DUSP22: variants seen among roughly 807,000 people sequenced by gnomAD.
DUSP22 encodes the protein dual specificity protein phosphatase 22.
In DUSP22, 24 loss-of-function variants were observed where a neutral mutation model predicts 24.5. That is an observed-to-expected ratio of 0.98 (90% confidence interval 0.71 to 1.38). The LOEUF is 1.38. Among genes scored for constraint, DUSP22 ranks in the 40% most tolerant of loss-of-function variants. DUSP22 has a pLI of 0.00. For synonymous variants in DUSP22, 160 were observed against 106.4 expected, an observed-to-expected ratio of 1.50 and a Z score of -3.10; for missense variants, 330 against 269.2, an observed-to-expected ratio of 1.23 and a Z score of -1.58.
intron 1 of DUSP22, 114 bp downstream of exon 1, chr6:292,674 C>G: frequency 1.4e-6 from 2 of 1,417,636 alleles, no homozygotes; most frequent in Non-Finnish European, 9.3e-7. Context: ...GCGGTGGGGA[C>G]GGGCGCGGAG....
At chr6:298,762 T>C (rs1337998163) in intron 1 of DUSP22, among the ~76,000 whole-genome samples, 2 of 152,310 alleles carry the variant, frequency 1.3e-5, no homozygotes, top group Admixed American at 1.3e-4. Context: ...TCTTCCTCTG[T>C]GGCCTGTGCT....
chr6:333,357 T>G (rs1364262828), intron 3 of DUSP22, among the ~76,000 whole-genome samples: 3 of 151,974 alleles, frequency 2.0e-5, no homozygotes, highest in African/African-American at 7.3e-5. Flanking sequence ...AAAGTTCATC[T>G]CCTTCAAGAC....
rs1760011851 is a variant in DUSP22 at position 348,774 on chromosome 6, G to A, written c.441G>A (p.Arg147=). 1.9e-6 allele frequency: 3 copies of A among 1,614,296 alleles called. No individual in the cohort carries two copies. The highest frequency in any genetic ancestry group is 2.5e-6 in the Non-Finnish European group (3 of 1,180,052). ...TTTGTTTCCATCCTCTCCAGTATCG[G>A]CAGTGGCTGAAGGAAGAATATGGAG... ...EFEKHEVHQY[R]QWLKEEYGES... The change falls in exon 7 of 7, where the codon CGG becomes CGA. Residue 147 remains arginine, a synonymous_variant. Transcript: ENST00000419235.
At chr6:317,094 A>C (rs796129169) in intron 3 of DUSP22, among the ~76,000 whole-genome samples, 3 of 152,414 alleles carry the variant, frequency 2.0e-5, no homozygotes, top group African/African-American at 7.2e-5. Context: ...CCAAGACTTT[A>C]CTTGTGTTAG....
chr6:329,771 T>C (rs1759058889), intron 3 of DUSP22, among the ~76,000 whole-genome samples: 1 of 152,312 alleles, frequency 6.6e-6, no homozygotes, highest in Non-Finnish European at 1.5e-5. Context: ...AAATCTTATG[T>C]GTATTTTACC....
At chr6:294,973 A>G (rs1459754089) in intron 1 of DUSP22, among the ~76,000 whole-genome samples, 1 of 152,296 alleles carries the variant, frequency 6.6e-6, no homozygotes, top group Non-Finnish European at 1.5e-5. Context: ...ACCCCAAATC[A>G]CAAGGTTCAT....
chr6:349,006 G>T lies in DUSP22; in HGVS notation c.*55G>T. Reference sequence around the variant, plus strand: ...TGCTTGTCTTCAGTGTGCCCGGCTGGGCAGGGGTGCGGTGGTGGTGGCCGA... The same window carrying T: ...TGCTTGTCTTCAGTGTGCCCGGCTGTGCAGGGGTGCGGTGGTGGTGGCCGA... On this transcript the variant is annotated 3_prime_UTR_variant, in exon 7 of 7. Transcript: ENST00000419235. 6.5e-7 allele frequency: 1 copy of T among 1,546,696 alleles called. No individual in the cohort carries two copies.
At chr6:333,952 A>G (rs1457814233) in intron 3 of DUSP22, among the ~76,000 whole-genome samples, 1 of 152,308 alleles carries the variant, frequency 6.6e-6, no homozygotes, top group African/African-American at 2.4e-5. Flanking sequence ...AATGTGTAGG[A>G]GGTGTGGAAG....
At chr6:316,807 A>T (rs2127401028) in intron 3 of DUSP22, among the ~76,000 whole-genome samples, 2 of 152,430 alleles carry the variant, frequency 1.3e-5, no homozygotes, top group African/African-American at 4.8e-5. Flanking sequence ...TAACATGAAG[A>T]ACCTTACCTT....
chr6:301,481 T>A (rs1757577192), intron 1 of DUSP22, among the ~76,000 whole-genome samples: 1 of 152,304 alleles, frequency 6.6e-6, no homozygotes, highest in Non-Finnish European at 1.5e-5. Context: ...TGGCCTTGAT[T>A]TTTTAAGTAA....
At chr6:294,708 C>T (rs1757247075) in intron 1 of DUSP22, among the ~76,000 whole-genome samples, 2 of 152,270 alleles carry the variant, frequency 1.3e-5, no homozygotes. Context: ...TTTGGACTAG[C>T]CACATTTGGA....
At chr6:314,117 G>A (rs560070486) in intron 3 of DUSP22, among the ~76,000 whole-genome samples, 1 of 152,422 alleles carries the variant, frequency 6.6e-6, no homozygotes, top group Admixed American at 6.5e-5. Flanking sequence ...GAGAGAAATG[G>A]GGCAGGGAAT....
At chr6:314,418 G>A (rs913999591) in intron 3 of DUSP22, among the ~76,000 whole-genome samples, 7 of 152,308 alleles carry the variant, frequency 4.6e-5, no homozygotes, top group East Asian at 1.9e-4. Flanking sequence ...GCTGTGAAGC[G>A]ACGTATTGGG....
rs369166732 is a variant in DUSP22, at chr6:349,097, G to T, written c.*146G>T. On this transcript the variant is annotated 3_prime_UTR_variant, in exon 7 of 7. Coordinates refer to ENST00000419235, the MANE Select transcript of DUSP22 (RefSeq NM_001286555.3). ...AGGGCTCCTTCCCCCAAGCAACACC[G>T]CCCAGCCCTGCTCCAGGCCCCTGCA... 149 of 1,458,520 alleles carry T rather than the reference G, an allele frequency of 1.0e-4. No homozygotes were observed. In the African/African-American group the frequency reaches 1.6e-3, roughly 15 times the overall value. The allele number at this position is 1,458,520 out of a possible 1,614,324, so 90.3% of individuals were successfully genotyped here.
intron 4 of DUSP22, among the ~76,000 whole-genome samples, chr6:341,984 C>A (rs1306342255): frequency 6.6e-6 from 1 of 152,288 alleles, no homozygotes; most frequent in East Asian, 1.9e-4. Context: ...AGCCCGGTTT[C>A]ATTGTGTCTG....
Position 349,405 on chromosome 6 carries a change from G to A in DUSP22, c.*454G>A. ...TCATATTGCTGCCCGGGTTGGTGTG[G>A]CCACCTTTCCCTTTGTCCAAGACTC... is the stretch of plus-strand genomic sequence containing the variant. On this transcript the variant is annotated 3_prime_UTR_variant, in exon 7 of 7. Transcript: ENST00000419235. 1 of 1,020,282 alleles carries A rather than the reference G, an allele frequency of 9.8e-7. No individual in the cohort carries two copies. The highest frequency in any genetic ancestry group is 1.7e-5 in the African/African-American group (1 of 58,366). 63.2% of individuals were successfully genotyped at this position (1,020,282 alleles called of 1,614,324 possible).
At chr6:346,637 G>C (rs903647930) in intron 5 of DUSP22, among the ~76,000 whole-genome samples, 2 of 152,310 alleles carry the variant, frequency 1.3e-5, no homozygotes, top group Non-Finnish European at 2.9e-5. Flanking sequence ...AAATTCAGGA[G>C]CCAAGGCTCT....
chr6:325,311 G>A, intron 3 of DUSP22: 1 of 202,696 alleles, frequency 4.9e-6, no homozygotes, highest in Non-Finnish European at 9.7e-6. Context: ...ATCTGCGGGT[G>A]CCTGGAGAGT....
chr6:305,971 C>T (rs148460665), intron 2 of DUSP22, among the ~76,000 whole-genome samples: 40 of 152,420 alleles, frequency 2.6e-4, no homozygotes, highest in African/African-American at 7.5e-4. Flanking sequence ...CACACACACC[C>T]GTATCCCCCC....
Sources: allele counts gnomAD v4.1 joint callset (sites outside exome capture counted in the v4.1 genomes callset), GRCh38; gene constraint gnomAD v4.1.1; transcripts MANE v1.5; gene names NCBI Gene and HGNC (gene_info 2026-07-23, HGNC 2026-07-21).